ST6GALNAC3: variants seen among roughly 807,000 people sequenced by gnomAD.
The protein encoded by ST6GALNAC3 is alpha-N-acetylgalactosaminide alpha-2,6-sialyltransferase 3.
A neutral mutation model predicts 32.7 loss-of-function variants in ST6GALNAC3; 25 were observed. The observed-to-expected ratio is 0.76, with a 90% CI of 0.56 to 1.07. The LOEUF (loss-of-function observed/expected upper bound fraction) is 1.07. Among genes scored for constraint, ST6GALNAC3 ranks in the 50% least tolerant of loss-of-function variants. The probability of loss-of-function intolerance (pLI) is 0.00; values close to 1 mark genes in which losing one functional copy is unlikely to be tolerated. For synonymous variants in ST6GALNAC3, 129 were observed against 133.1 expected (o/e 0.97, Z 0.21); for missense variants, 355 against 382.4 (o/e 0.93, Z 0.60).
chr1:76,495,213 C>T (rs1034638731), intron 3 of ST6GALNAC3, among the ~76,000 whole-genome samples: 59 of 152,044 alleles, frequency 3.9e-4, no homozygotes, highest in African/African-American at 1.4e-3. Flanking sequence ...ATAAATTAAC[C>T]GTAACATGTA....
At chr1:76,604,578 A>G (rs867108470) in intron 3 of ST6GALNAC3, among the ~76,000 whole-genome samples, 2 of 151,982 alleles carry the variant, frequency 1.3e-5, no homozygotes, top group South Asian at 2.1e-4. Context: ...TCTCTTCTCA[A>G]TCTCTTTGCC....
Position 76,274,691 on chromosome 1 carries a change from C to A in ST6GALNAC3, c.19-39114C>A, listed in dbSNP as rs80145930. 2.1e-3 allele frequency among the ~76,000 whole-genome samples: 317 copies of A among 152,266 alleles called. 2 individuals are homozygous for A. Among genetic ancestry groups the A allele is most frequent in the African/African-American group, 7.0e-3 (293 of 41,564 alleles). On this transcript the variant is annotated intron_variant, in intron 1 of 4. Coordinates refer to ENST00000328299, the MANE Select transcript of ST6GALNAC3 (RefSeq NM_152996.4). ...CAGTCCTCTTTGTCTGATTTCTAAT[C>A]TCTGAAAGAAACAGTAAATGCAAAC...
At chr1:76,606,016 C>A (rs1164983697) in intron 3 of ST6GALNAC3, among the ~76,000 whole-genome samples, 12 of 151,936 alleles carry the variant, frequency 7.9e-5, no homozygotes, top group Non-Finnish European at 1.5e-4. Flanking sequence ...CAATGAGATA[C>A]CACTATCTCA....
chr1:76,155,955 A>G (rs1557659568), intron 1 of ST6GALNAC3, among the ~76,000 whole-genome samples: 1 of 152,064 alleles, frequency 6.6e-6, no homozygotes, highest in Non-Finnish European at 1.5e-5. Context: ...CCTACCCAGG[A>G]TACCGCCTTA....
chr1:76,410,924 A>G (rs1367037558), intron 2 of ST6GALNAC3, among the ~76,000 whole-genome samples: 1 of 152,160 alleles, frequency 6.6e-6, no homozygotes, highest in Non-Finnish European at 1.5e-5. Context: ...ATTAAACAAT[A>G]AAGTCCAACA....
At chr1:76,439,681 T>C (rs1429019404) in intron 3 of ST6GALNAC3, among the ~76,000 whole-genome samples, 1 of 152,192 alleles carries the variant, frequency 6.6e-6, no homozygotes, top group Non-Finnish European at 1.5e-5. Flanking sequence ...GTTCATGCAG[T>C]TAGTAAACAC....
At chr1:76,325,275 C>A (rs148032099) in intron 2 of ST6GALNAC3, among the ~76,000 whole-genome samples, 1,523 of 152,218 alleles carry the variant, frequency 0.01, 27 homozygotes, top group African/African-American at 0.035. Flanking sequence ...GTATTTAATA[C>A]AATAAATATT....
chr1:76,601,463 C>G (rs1394756555), intron 3 of ST6GALNAC3, among the ~76,000 whole-genome samples: 3 of 151,722 alleles, frequency 2.0e-5, no homozygotes, highest in Non-Finnish European at 4.4e-5. Context: ...TCATTAGCTC[C>G]GGAAGTAAAG....
At chr1:76,495,633 T>C (rs1660805426) in intron 3 of ST6GALNAC3, among the ~76,000 whole-genome samples, 1 of 152,100 alleles carries the variant, frequency 6.6e-6, no homozygotes, top group Admixed American at 6.6e-5. Flanking sequence ...CCAACTCCCC[T>C]TCCTAAAGAT....
intron 3 of ST6GALNAC3, among the ~76,000 whole-genome samples, chr1:76,544,348 T>C (rs1483778902): frequency 5.9e-5 from 9 of 152,110 alleles, no homozygotes; most frequent in Non-Finnish European, 1.2e-4. Flanking sequence ...TTCCTCTGGA[T>C]GCTATTGGGG....
At chr1:76,439,466 A>G (rs1656391410) in intron 3 of ST6GALNAC3, among the ~76,000 whole-genome samples, 1 of 152,228 alleles carries the variant, frequency 6.6e-6, no homozygotes, top group African/African-American at 2.4e-5. Context: ...AGGAGTGTAT[A>G]AGGCCTTTGG....
At chr1:76,109,826 C>T (rs566208295) in intron 1 of ST6GALNAC3, among the ~76,000 whole-genome samples, 1 of 152,338 alleles carries the variant, frequency 6.6e-6, no homozygotes, top group East Asian at 1.9e-4. Context: ...CAATGGCTAC[C>T]TGAGCATTAG....
At chr1:76,363,934 C>T (rs1487781427) in intron 2 of ST6GALNAC3, among the ~76,000 whole-genome samples, 3 of 152,142 alleles carry the variant, frequency 2.0e-5, no homozygotes. Context: ...ATAATCTTCC[C>T]TCATGATTCA....
chr1:76,464,600 T>G (rs1206316301), intron 3 of ST6GALNAC3, among the ~76,000 whole-genome samples: 2 of 152,182 alleles, frequency 1.3e-5, no homozygotes, highest in Non-Finnish European at 2.9e-5. Context: ...AGAAAAGAAT[T>G]AAAAAGGATG....
At chr1:76,544,687 A>G (rs1664185049) in intron 3 of ST6GALNAC3, among the ~76,000 whole-genome samples, 1 of 152,298 alleles carries the variant, frequency 6.6e-6, no homozygotes, top group Middle Eastern at 3.4e-3. Context: ...TAAGGTGCCT[A>G]TGAAATATCC....
At chr1:76,159,623 A>G (rs443069) in intron 1 of ST6GALNAC3, among the ~76,000 whole-genome samples, 1 of 152,220 alleles carries the variant, frequency 6.6e-6, no homozygotes, top group Non-Finnish European at 1.5e-5. Context: ...TGTGCCAAAC[A>G]CTGTGTTAGG....
At chr1:76,591,629 C>A (rs1026710741) in intron 3 of ST6GALNAC3, among the ~76,000 whole-genome samples, 5 of 152,128 alleles carry the variant, frequency 3.3e-5, no homozygotes, top group Non-Finnish European at 7.4e-5. Context: ...AGGACTTTAA[C>A]CCTCAGTTGA....
At chr1:76,163,172 G>T (rs879373332) in intron 1 of ST6GALNAC3, among the ~76,000 whole-genome samples, 1 of 152,072 alleles carries the variant, frequency 6.6e-6, no homozygotes, top group African/African-American at 2.4e-5. Flanking sequence ...AAACCTTATA[G>T]TATTTTAGTC....
rs1483431135 is a variant in ST6GALNAC3 at position 76,629,718 on chromosome 1, G to A, written c.*912G>A. 1 of 984,486 alleles carries A rather than the reference G, an allele frequency of 1.0e-6. No individual in the cohort carries two copies. The highest frequency in any genetic ancestry group is 1.8e-5 in the African/African-American group (1 of 57,114). 61.0% of individuals were successfully genotyped at this position (984,486 alleles called of 1,614,324 possible). On this transcript the variant is annotated 3_prime_UTR_variant, in exon 5 of 5. Coordinates refer to ENST00000328299, the MANE Select transcript of ST6GALNAC3 (RefSeq NM_152996.4). ...AACATCCAACAACACAAAACTATAT[G>A]ATTTTTAAAATCATGAAATAGAGAC...
Sources: allele counts gnomAD v4.1 joint callset (sites outside exome capture counted in the v4.1 genomes callset), GRCh38; gene constraint gnomAD v4.1.1; transcripts MANE v1.5; gene names NCBI Gene and HGNC (gene_info 2026-07-23, HGNC 2026-07-21).